Variants in BCL11B observed in about 807,000 individuals in gnomAD.
BCL11B encodes the protein BCL11 transcription factor B.
BCL11B carries 8 observed loss-of-function variants against 49.9 expected under a neutral mutation model. That is an observed-to-expected ratio of 0.16 (90% CI 0.09 to 0.29). The LOEUF (loss-of-function observed/expected upper bound fraction) is 0.29, where lower values mean the gene tolerates loss of function less well. Among genes scored for constraint, BCL11B ranks in the 10% least tolerant of loss-of-function variants. BCL11B has a pLI of 1.00. For synonymous variants in BCL11B, 739 were observed against 637.4 expected, an observed-to-expected ratio of 1.16 and a Z score of -2.40; for missense variants, 1,006 against 1,351.0, an observed-to-expected ratio of 0.74 and a Z score of 4.00.
At chr14:99,250,314 C>T (rs978678546) in intron 2 of BCL11B, among the ~76,000 whole-genome samples, 52 of 151,872 alleles carry the variant, frequency 3.4e-4, no homozygotes, top group African/African-American at 8.4e-4. Context: ...AGATTACAGG[C>T]GTGAGCCCCC....
chr14:99,240,831 G>A (rs1888647588), intron 2 of BCL11B, among the ~76,000 whole-genome samples: 2 of 152,200 alleles, frequency 1.3e-5, no homozygotes, highest in South Asian at 2.1e-4. Flanking sequence ...TGCTCCTTAC[G>A]ATTCATCTAG....
At chr14:99,252,396 AT>A (rs1009535062) in intron 2 of BCL11B, among the ~76,000 whole-genome samples, 11 of 152,018 alleles carry the variant, frequency 7.2e-5, no homozygotes, top group South Asian at 4.1e-4. Flanking sequence ...CCAAGCTAAT[AT>A]TTTTTTTCAC....
At chr14:99,255,668 C>T (rs571133258) in intron 2 of BCL11B, among the ~76,000 whole-genome samples, 42 of 152,244 alleles carry the variant, frequency 2.8e-4, no homozygotes, top group African/African-American at 8.4e-4. Flanking sequence ...CAAGGCCACC[C>T]CTGAAAGATC....
Position 99,241,686 on chromosome 14 carries a change from C to A in BCL11B, c.428-10129G>T, listed in dbSNP as rs181892040. Among the ~76,000 whole-genome samples, 1 of 151,998 alleles carries A rather than the reference C, an allele frequency of 6.6e-6. No individual in the cohort carries two copies. The highest frequency in any genetic ancestry group is 6.5e-5 in the Admixed American group (1 of 15,270). ...GTAGGGGGGACGATGTCGCTTTTTTCCCCCTTCCCTAAGTGCATTTTAATA... is the reference window on the plus strand; with the variant it reads ...GTAGGGGGGACGATGTCGCTTTTTTACCCCTTCCCTAAGTGCATTTTAATA... On this transcript the variant is annotated intron_variant, in intron 2 of 3. Coordinates refer to ENST00000357195, the MANE Select transcript of BCL11B (RefSeq NM_138576.4). This position sits in a 1 kb window ranked among gnomAD's most constrained non-coding sequence, Gnocchi z 4.4.
At chr14:99,185,879 A>G (rs1222058534) in intron 3 of BCL11B, among the ~76,000 whole-genome samples, 6 of 152,258 alleles carry the variant, frequency 3.9e-5, no homozygotes, top group Admixed American at 2.6e-4. Flanking sequence ...CAGAAATGGT[A>G]TCGTTACAGC....
intron 2 of BCL11B, among the ~76,000 whole-genome samples, chr14:99,246,228 C>G (rs1888831543): frequency 6.6e-6 from 1 of 152,184 alleles, no homozygotes; most frequent in Admixed American, 6.5e-5. Context: ...CGAGGCCAGA[C>G]GCGGGCTGGG....
intron 3 of BCL11B, among the ~76,000 whole-genome samples, chr14:99,218,412 C>G (rs1239788130): frequency 6.6e-6 from 1 of 151,866 alleles, no homozygotes; most frequent in Non-Finnish European, 1.5e-5. Context: ...CCCGCCCTAT[C>G]GTTAATAGTT....
Position 99,231,132 on chromosome 14 carries a change from C to T in BCL11B, c.640+213G>A, listed in dbSNP as rs990970610. Among the ~76,000 whole-genome samples the T allele has an allele frequency of 1.1e-4, 17 of 152,320 alleles. No individual in the cohort carries two copies. In the East Asian group the frequency reaches 2.7e-3, roughly 24 times the overall value. On this transcript the variant is annotated intron_variant, in intron 3 of 3. Coordinates refer to ENST00000357195, the MANE Select transcript of BCL11B (RefSeq NM_138576.4). This position sits in a 1 kb window ranked among gnomAD's most constrained non-coding sequence, Gnocchi z 8.1. ...CATTCTGGGAGCAAGACTCTCAGAA[C>T]GGGTGGGGGCACCGTGGGGGACTCC...
At chr14:99,204,128 T>A (rs1476381586) in intron 3 of BCL11B, among the ~76,000 whole-genome samples, 1 of 152,170 alleles carries the variant, frequency 6.6e-6, no homozygotes, top group African/African-American at 2.4e-5. Flanking sequence ...GGGAAAAGGC[T>A]GCCTTGTGGG....
At chr14:99,240,312 AT>A (rs943061381) in intron 2 of BCL11B, among the ~76,000 whole-genome samples, 19 of 152,326 alleles carry the variant, frequency 1.2e-4, no homozygotes, top group African/African-American at 4.3e-4. Flanking sequence ...GATTTCTACT[AT>A]TGTAATAAAA....
intron 2 of BCL11B, among the ~76,000 whole-genome samples, chr14:99,244,509 T>C (rs1888767876): frequency 6.6e-6 from 1 of 152,214 alleles, no homozygotes; most frequent in Admixed American, 6.5e-5. Context: ...TGCTGGACTG[T>C]GATCTTTACC....
intron 3 of BCL11B, among the ~76,000 whole-genome samples, chr14:99,178,067 A>G (rs899054949): frequency 1.3e-5 from 2 of 152,078 alleles, no homozygotes; most frequent in Non-Finnish European, 2.9e-5. Context: ...AGCGTCACAG[A>G]AGGCTTCGTG....
chr14:99,208,777 C>T (rs748393991), intron 3 of BCL11B, among the ~76,000 whole-genome samples: 3 of 152,194 alleles, frequency 2.0e-5, no homozygotes, highest in Admixed American at 1.3e-4. Flanking sequence ...CTGGAAGAAC[C>T]GCTCTAGTTC....
At chr14:99,176,962 AT>A (rs2139764206) in intron 3 of BCL11B, among the ~76,000 whole-genome samples, 1 of 152,030 alleles carries the variant, frequency 6.6e-6, no homozygotes, top group African/African-American at 2.4e-5. Flanking sequence ...CCTCTGCAAC[AT>A]TTGGGATTTT....
At position 99,213,818 on chromosome 14, in the gene BCL11B, C is replaced by G. The variant is rs1483289028; in HGVS notation, c.640+17527G>C. Among the ~76,000 whole-genome samples the G allele has an allele frequency of 6.6e-6, 1 of 152,170 alleles. No individual in the cohort carries two copies. Among genetic ancestry groups the G allele is most frequent in the Non-Finnish European group, 1.5e-5 (1 of 68,026 alleles). The stretch of plus-strand genomic sequence containing the variant: ...AAGGCACAGGGGCCCCTGGCAAGGG[C>G]CCCCCGAGGGGCTGCCCCGTGCGCC... On this transcript the variant is annotated intron_variant, in intron 3 of 3. Coordinates refer to ENST00000357195, the MANE Select transcript of BCL11B (RefSeq NM_138576.4). The surrounding 1 kb of genome is among the most constrained non-coding windows in gnomAD (Gnocchi z 5.1).
Position 99,228,082 on chromosome 14 carries a change from C to T in BCL11B, c.640+3263G>A, listed in dbSNP as rs561484130. Among the ~76,000 whole-genome samples, 3 of 152,210 alleles carry T rather than the reference C, an allele frequency of 2.0e-5. No homozygotes were observed. The highest frequency in any genetic ancestry group is 4.4e-5 in the Non-Finnish European group (3 of 68,046). The stretch of plus-strand genomic sequence containing the variant: ...CTATAAATAACTGCAGATGCGGTAA[C>T]AGGCACGCAATTAACCTGTGTGAAA... On this transcript the variant is annotated intron_variant, in intron 3 of 3. Coordinates refer to ENST00000357195, the MANE Select transcript of BCL11B (RefSeq NM_138576.4). This position sits in a 1 kb window ranked among gnomAD's most constrained non-coding sequence, Gnocchi z 4.8.
chr14:99,222,449 G>A (rs1051284846), intron 3 of BCL11B, among the ~76,000 whole-genome samples: 1 of 152,198 alleles, frequency 6.6e-6, no homozygotes, highest in African/African-American at 2.4e-5. Context: ...AGCCACTGGA[G>A]AGACAGAGAT....
intron 1 of BCL11B, among the ~76,000 whole-genome samples, chr14:99,268,919 G>A (rs1006981934): frequency 9.9e-5 from 15 of 152,134 alleles, no homozygotes; most frequent in African/African-American, 3.6e-4. Flanking sequence ...GGCTGAGCGA[G>A]ACAGGGAACA....
At chr14:99,240,682 A>AT (rs1280822121) in intron 2 of BCL11B, among the ~76,000 whole-genome samples, 1 of 152,146 alleles carries the variant, frequency 6.6e-6, no homozygotes, top group African/African-American at 2.4e-5. Flanking sequence ...CTTCTTACTT[A>AT]TTTTTTGACG....
Sources: gnomAD v4.1 joint callset for allele counts (sites outside exome capture counted in the v4.1 genomes callset) on GRCh38, gnomAD v4.1.1 for gene constraint, Gnocchi (gnomAD v3.1) non-coding constraint, MANE v1.5 for transcripts, NCBI Gene and HGNC (gene_info 2026-07-23, HGNC 2026-07-21) for gene names.